NCKAP5: variants seen among roughly 807,000 people sequenced by gnomAD.
The protein encoded by NCKAP5 is NCK associated protein 5.
A neutral mutation model predicts 167.0 loss-of-function variants in NCKAP5; 92 were observed. The observed-to-expected ratio is 0.55, with a 90% CI of 0.47 to 0.66. NCKAP5 has a LOEUF of 0.66. NCKAP5 is among the 30% of genes least tolerant of loss of function. NCKAP5 has a pLI of 0.00. For synonymous variants in NCKAP5, 891 were observed against 877.4 expected (o/e 1.02, Z -0.27); for missense variants, 2,378 against 2,315.0 (o/e 1.03, Z -0.56).
chr2:133,137,942 G>A lies in NCKAP5; in HGVS notation c.208-7831C>T, dbSNP rs183044929. On this transcript the variant is annotated intron_variant, in intron 5 of 19. Coordinates refer to ENST00000409261, the MANE Select transcript of NCKAP5 (RefSeq NM_207363.3). ...CTGCCCCTGTACCCTTTCCCCATTGGCTGAGGTGGGGTCGTACAATCTAAT... is the reference window on the plus strand; with the variant it reads ...CTGCCCCTGTACCCTTTCCCCATTGACTGAGGTGGGGTCGTACAATCTAAT... Among the ~76,000 whole-genome samples the A allele has an allele frequency of 5.6e-3, 846 of 152,278 alleles. 4 individuals carry two copies. Among genetic ancestry groups the A allele is most frequent in the Non-Finnish European group, 7.7e-3 (527 of 68,034 alleles).
At chr2:132,819,667 T>G (rs1236152720) in intron 11 of NCKAP5, among the ~76,000 whole-genome samples, 1 of 146,168 alleles carries the variant, frequency 6.8e-6, no homozygotes, top group African/African-American at 2.5e-5. Context: ...TTCATTAGAT[T>G]TTTTTTTTTT....
At chr2:132,876,059 C>G (rs1691242325) in intron 9 of NCKAP5, among the ~76,000 whole-genome samples, 1 of 152,060 alleles carries the variant, frequency 6.6e-6, no homozygotes, top group Non-Finnish European at 1.5e-5. Context: ...CAGAAAATAA[C>G]CATCAGTGCA....
At chr2:133,203,301 A>T (rs2085787668) in intron 5 of NCKAP5, among the ~76,000 whole-genome samples, 2 of 152,258 alleles carry the variant, frequency 1.3e-5, no homozygotes, top group Non-Finnish European at 2.9e-5. Context: ...CAGAAAACCA[A>T]ACACTGCATG....
chr2:133,455,456 C>G (rs1208635026), intron 3 of NCKAP5, among the ~76,000 whole-genome samples: 6 of 152,028 alleles, frequency 3.9e-5, no homozygotes, highest in Non-Finnish European at 1.5e-5. Context: ...CCACTGGGCC[C>G]TAGATATATA....
At chr2:133,007,954 C>T (rs1242226780) in intron 6 of NCKAP5, among the ~76,000 whole-genome samples, 1 of 152,180 alleles carries the variant, frequency 6.6e-6, no homozygotes, top group Non-Finnish European at 1.5e-5. Flanking sequence ...GCTAGGGTAG[C>T]TGGTAAACTT....
chr2:132,781,151 A>G lies in NCKAP5; in HGVS notation c.4950T>C (p.Ser1650=), dbSNP rs1177104647. The change falls in exon 15 of 20, where the codon TCT becomes TCC. Residue 1650 remains serine (S), a synonymous_variant. Transcript: ENST00000409261. ...ASCRNVLKGS[S]QGSCLIGSSI... is the part of the protein sequence containing the mutation. ...AGCTGCCGATGAGACAGGAGCCCTG[A>G]GAACTGCCCTTTAACACATTCCTGC... 7 of 1,613,818 alleles carry G rather than the reference A, an allele frequency of 4.3e-6. No homozygotes were observed. Among genetic ancestry groups the G allele is most frequent in the African/African-American group, 2.7e-5 (2 of 74,930 alleles).
intron 5 of NCKAP5, among the ~76,000 whole-genome samples, chr2:133,153,980 A>C (rs1475863873): frequency 2.6e-5 from 4 of 151,590 alleles, no homozygotes; most frequent in Non-Finnish European, 5.9e-5. Context: ...AGCTGGGATT[A>C]TAGGCGCCCG....
At chr2:133,387,250 A>C (rs1687049563) in intron 3 of NCKAP5, among the ~76,000 whole-genome samples, 1 of 152,150 alleles carries the variant, frequency 6.6e-6, no homozygotes, top group Non-Finnish European at 1.5e-5. Flanking sequence ...GGTGGTGACA[A>C]AATCTCTCAG....
At position 132,796,731 on chromosome 2, in the gene NCKAP5, T is replaced by C; in HGVS notation, c.808-2A>G. ...ATCCAAGAGACGTGAGTGAAGTTTC[T>C]AGGTAAAACCAAGCAGAAACATTGA... is the stretch of plus-strand genomic sequence containing the variant. On this transcript the variant is annotated splice_acceptor_variant, in intron 11 of 19. Transcript: ENST00000409261. LOFTEE classifies it high-confidence loss of function. 1 of 1,597,800 alleles carries C rather than the reference T, an allele frequency of 6.3e-7. No individual in the cohort carries two copies. The highest frequency in any genetic ancestry group is 8.6e-7 in the Non-Finnish European group (1 of 1,166,506).
intron 5 of NCKAP5, among the ~76,000 whole-genome samples, chr2:133,184,329 G>T (rs182484194): frequency 5.9e-5 from 9 of 152,020 alleles, no homozygotes; most frequent in Non-Finnish European, 1.0e-4. Context: ...AGTATTCTAC[G>T]GTGTATATGT....
intron 3 of NCKAP5, among the ~76,000 whole-genome samples, chr2:133,315,551 G>A (rs116398701): frequency 3.6e-4 from 55 of 151,904 alleles, no homozygotes; most frequent in Admixed American, 7.2e-4. Flanking sequence ...TATAAACATG[G>A]AGCCGTGACA....
intron 4 of NCKAP5, among the ~76,000 whole-genome samples, chr2:133,258,799 T>G (rs1160907351): frequency 1.3e-5 from 2 of 151,856 alleles, no homozygotes; most frequent in East Asian, 3.9e-4. Context: ...AGTAACAGAT[T>G]CAGTGATCAA....
chr2:132,936,764 T>A (rs895912681), intron 8 of NCKAP5, among the ~76,000 whole-genome samples: 1 of 152,194 alleles, frequency 6.6e-6, no homozygotes, highest in Admixed American at 6.5e-5. Flanking sequence ...CTAGAGTATT[T>A]TTTTCTTTTA....
rs147257594 is a variant in NCKAP5, at chr2:132,987,632, G to A, written c.429+6520C>T. 4.6e-3 allele frequency among the ~76,000 whole-genome samples: 701 copies of A among 152,202 alleles called. 4 individuals are homozygous for A. The highest frequency in any genetic ancestry group is 0.016 in the African/African-American group (665 of 41,528). On this transcript the variant is annotated intron_variant, in intron 7 of 19. Coordinates refer to ENST00000409261, the MANE Select transcript of NCKAP5 (RefSeq NM_207363.3). The stretch of plus-strand genomic sequence containing the variant: ...AACATCTTTGGAAAGAATAGAGCTG[G>A]GCCCAGAAAACACAACAGCTCAGGG...
chr2:133,224,492 G>A (rs2086797899), intron 4 of NCKAP5, among the ~76,000 whole-genome samples: 1 of 152,210 alleles, frequency 6.6e-6, no homozygotes, highest in Non-Finnish European at 1.5e-5. Flanking sequence ...ACAGTCATAT[G>A]TGTAGCATTT....
At chr2:133,296,269 G>A (rs979639686) in intron 4 of NCKAP5, among the ~76,000 whole-genome samples, 2 of 152,094 alleles carry the variant, frequency 1.3e-5, no homozygotes, top group South Asian at 4.1e-4. Flanking sequence ...CTGACTCGGC[G>A]CAAGAAGACA....
chr2:132,826,010 A>G (rs1398772494), intron 11 of NCKAP5, among the ~76,000 whole-genome samples: 1 of 152,210 alleles, frequency 6.6e-6, no homozygotes, highest in Non-Finnish European at 1.5e-5. Flanking sequence ...GAAGAACAGA[A>G]AGCCGTTGTT....
At chr2:133,615,348 G>A in the NCKAP5 span, among the ~76,000 whole-genome samples, 1 of 151,454 alleles carries the variant, frequency 6.6e-6, no homozygotes, top group African/African-American at 2.4e-5. Flanking sequence ...AAAAGACACA[G>A]ACGGGCAAAT....
chr2:132,795,775 C>T (rs4953992), intron 12 of NCKAP5, among the ~76,000 whole-genome samples: 7,336 of 145,092 alleles, frequency 0.051, 368 homozygotes, highest in East Asian at 0.13. Context: ...GCTGAGATCG[C>T]GCCATTGCAC....
Sources: gnomAD v4.1 joint callset for allele counts (sites outside exome capture counted in the v4.1 genomes callset) on GRCh38, gnomAD v4.1.1 for gene constraint, MANE v1.5 for transcripts, NCBI Gene and HGNC (gene_info 2026-07-23, HGNC 2026-07-21) for gene names.